THTPA: variants seen among roughly 807,000 people sequenced by gnomAD.
THTPA encodes the protein thiamine triphosphatase, also known as thiamine-triphosphatase.
THTPA carries 16 observed loss-of-function variants against 16.5 expected under a neutral mutation model. The observed-to-expected ratio is 0.97, with a 90% CI of 0.66 to 1.47. THTPA has a LOEUF of 1.47. Ranked by LOEUF, THTPA falls within the 40% of genes most tolerant of loss-of-function variation. THTPA has a pLI of 0.00. For missense variants in THTPA, 281 were observed against 280.9 expected (o/e 1.00, Z 0.00); for synonymous variants, 110 against 115.5 (o/e 0.95, Z 0.30).
the THTPA span, chr14:23,529,294 ATCCAGGC>A: frequency 4.8e-6 from 1 of 207,152 alleles, no homozygotes; most frequent in Admixed American, 5.4e-5. Context: ...GGACAGTTCC[ATCCAGGC>A]TCAGGGCGTT....
the THTPA span, chr14:23,526,236 C>A: frequency 6.5e-7 from 1 of 1,536,300 alleles, no homozygotes. Context: ...GTGGGTGGGG[C>A]ACCGGCCTCT....
At chr14:23,520,124 G>A in the THTPA span, among the ~76,000 whole-genome samples, 4 of 152,124 alleles carry the variant, frequency 2.6e-5, no homozygotes, top group African/African-American at 9.7e-5. The surrounding 1 kb of genome is among the most constrained non-coding windows in gnomAD (Gnocchi z 8.7). Flanking sequence ...AGGTTCTGTT[G>A]GTTCCCTTGG....
chr14:23,531,347 T>A, the THTPA span: 2 of 1,253,940 alleles, frequency 1.6e-6, no homozygotes, highest in East Asian at 5.9e-5. Flanking sequence ...CCTTCGCAGC[T>A]TCTTCCCATT....
At chr14:23,529,378 A>G in the THTPA span, 1 of 313,120 alleles carries the variant, frequency 3.2e-6, no homozygotes, top group East Asian at 8.1e-5. Context: ...GCTGGGCAGT[A>G]GCTGGTTGTT....
the THTPA span, chr14:23,534,030 G>A: frequency 6.5e-7 from 1 of 1,536,412 alleles, no homozygotes; most frequent in Non-Finnish European, 8.7e-7. This position sits in a 1 kb window ranked among gnomAD's most constrained non-coding sequence, Gnocchi z 4.5. Context: ...TGAGGCCCTG[G>A]AAGGCTGCAG....
the THTPA span, chr14:23,524,917 G>A: frequency 6.5e-7 from 1 of 1,536,226 alleles, no homozygotes; most frequent in South Asian, 1.2e-5. This position sits in a 1 kb window ranked among gnomAD's most constrained non-coding sequence, Gnocchi z 5.6. Context: ...AAGTGGCGTG[G>A]CAACGCCTGC....
chr14:23,539,494 G>T, the THTPA span, among the ~76,000 whole-genome samples: 1 of 152,310 alleles, frequency 6.6e-6, no homozygotes, highest in South Asian at 2.1e-4. Flanking sequence ...AAGCTGAAAA[G>T]CCAGGCCCTG....
At chr14:23,522,653 C>A in the THTPA span, 2 of 1,536,130 alleles carry the variant, frequency 1.3e-6, no homozygotes, top group Non-Finnish European at 1.7e-6. Flanking sequence ...CAGGAACTGG[C>A]CCCCCAACAG....
chr14:23,523,685 G>A, the THTPA span: 2 of 1,538,254 alleles, frequency 1.3e-6, no homozygotes, highest in Non-Finnish European at 1.7e-6. The surrounding 1 kb of genome is among the most constrained non-coding windows in gnomAD (Gnocchi z 4.1). Context: ...GGTGCGGTAA[G>A]CTTCATAGCA....
chr14:23,532,332 A>T, the THTPA span: 1 of 473,964 alleles, frequency 2.1e-6, no homozygotes. Context: ...TCCAGGGCCA[A>T]ACACCAGAAG....
chr14:23,522,163 C>T, the THTPA span: 1 of 1,505,360 alleles, frequency 6.6e-7, no homozygotes, highest in Non-Finnish European at 8.8e-7. Flanking sequence ...GGGCTTCACG[C>T]CCACTCAGCA....
the THTPA span, among the ~76,000 whole-genome samples, chr14:23,528,041 G>A: frequency 6.6e-6 from 1 of 151,994 alleles, no homozygotes; most frequent in Non-Finnish European, 1.5e-5. Flanking sequence ...CCAAGCAGCT[G>A]GGATTACAGG....
chr14:23,520,250 C>G, the THTPA span, among the ~76,000 whole-genome samples: 1 of 152,062 alleles, frequency 6.6e-6, no homozygotes, highest in African/African-American at 2.4e-5. This position sits in a 1 kb window ranked among gnomAD's most constrained non-coding sequence, Gnocchi z 8.7. Context: ...TCCCGACTCC[C>G]TTGGGGATGC....
chr14:23,521,826 G>T, the THTPA span: 1 of 1,406,262 alleles, frequency 7.1e-7, no homozygotes, highest in Admixed American at 2.6e-5. Flanking sequence ...GCCCACTGAG[G>T]GTGGGAACTG....
chr14:23,538,328 TC>T, the THTPA span, among the ~76,000 whole-genome samples: 1 of 131,414 alleles, frequency 7.6e-6, no homozygotes, highest in Non-Finnish European at 1.6e-5. Flanking sequence ...CAACCCCAAC[TC>T]CCCATCCCCC....
At position 23,559,991 on chromosome 14, in the gene THTPA, C is replaced by T; in HGVS notation, c.*1151C>T. 6.2e-7 allele frequency: 1 copy of T among 1,613,008 alleles called. No homozygotes were observed. Among genetic ancestry groups the T allele is most frequent in the East Asian group, 2.2e-5 (1 of 44,878 alleles). ...TGGGTGATAGGAAGGCCACCCCGAG[C>T]TGGAACTGTGTTCCCACTGGGGGCC... On this transcript the variant is annotated 3_prime_UTR_variant, in exon 2 of 2. Coordinates refer to ENST00000288014, the MANE Select transcript of THTPA (RefSeq NM_024328.6).
chr14:23,532,425 A>G, the THTPA span: 15 of 1,011,360 alleles, frequency 1.5e-5, no homozygotes, highest in Non-Finnish European at 1.9e-5. Flanking sequence ...TTACCCTGGT[A>G]CATATGTCAT....
chr14:23,528,797 TC>T, the THTPA span: 6 of 985,378 alleles, frequency 6.1e-6, no homozygotes, highest in Non-Finnish European at 7.2e-6. Flanking sequence ...CAGCCACACT[TC>T]CAGAGGGGTG....
the THTPA span, chr14:23,532,744 C>T: frequency 1.3e-6 from 2 of 1,536,116 alleles, no homozygotes; most frequent in Non-Finnish European, 1.7e-6. Flanking sequence ...CTCCACCCCC[C>T]TCCCGCAGGT....
Sources: gnomAD v4.1 joint callset for allele counts (sites outside exome capture counted in the v4.1 genomes callset) on GRCh38, gnomAD v4.1.1 for gene constraint, Gnocchi (gnomAD v3.1) non-coding constraint, MANE v1.5 for transcripts, NCBI Gene and HGNC (gene_info 2026-07-23, HGNC 2026-07-21) for gene names.